TMEM120B: variants seen among roughly 807,000 people sequenced by gnomAD.
The protein encoded by TMEM120B is transmembrane protein 120B.
Under a neutral mutation model 55.5 loss-of-function variants are expected in TMEM120B, and 31 were observed. That is an observed-to-expected ratio of 0.56 (90% CI 0.42 to 0.75). The LOEUF (loss-of-function observed/expected upper bound fraction) is 0.75. Among genes scored for constraint, TMEM120B ranks in the 30% least tolerant of loss-of-function variants. TMEM120B has a pLI of 0.00. For missense variants in TMEM120B, 399 were observed against 425.5 expected, an observed-to-expected ratio of 0.94 and a Z score of 0.55; for synonymous variants, 203 against 176.3, an observed-to-expected ratio of 1.15 and a Z score of -1.20.
rs898064506 is a variant in TMEM120B at position 121,780,980 on chromosome 12, G to T, written c.*5258G>T. The T allele has an allele frequency of 1.2e-6, 2 of 1,613,792 alleles. No homozygotes were observed. Among genetic ancestry groups the T allele is most frequent in the African/African-American group, 2.7e-5 (2 of 74,932 alleles). ...CGATGAGCACCATGGGGATCCCGCG[G>T]CAGAAATGCGTGACCTCAGGGAACC... On this transcript the variant is annotated 3_prime_UTR_variant, in exon 12 of 12. Coordinates refer to ENST00000449592, the MANE Select transcript of TMEM120B (RefSeq NM_001080825.2).
In TMEM120B at chr12:121,770,989, T is replaced by A. The variant is rs1874027308; in HGVS notation, c.617+17T>A. 1 of 1,612,950 alleles carries A rather than the reference T, an allele frequency of 6.2e-7. No homozygotes were observed. The highest frequency in any genetic ancestry group is 1.3e-5 in the African/African-American group (1 of 75,030). ...GCTGACCTGGTGAGTAGCCCCTCGC[T>A]GGGCCCCTCCAGCCTCCCAGGGAGT... On this transcript the variant is annotated intron_variant, in intron 7 of 11. Coordinates refer to ENST00000449592, the MANE Select transcript of TMEM120B (RefSeq NM_001080825.2).
At chr12:121,720,373 C>T (rs369113516) in intron 1 of TMEM120B, among the ~76,000 whole-genome samples, 1 of 152,112 alleles carries the variant, frequency 6.6e-6, no homozygotes, top group Non-Finnish European at 1.5e-5. Context: ...GTATAGTCAG[C>T]GTCTGAAAGT....
At chr12:121,758,584 T>C (rs1167677586) in intron 5 of TMEM120B, 1 of 980,534 alleles carries the variant, frequency 1.0e-6, no homozygotes, top group Non-Finnish European at 1.2e-6. Context: ...CCCCGTGCTG[T>C]GGTCACCATG....
rs570500854 is a variant in TMEM120B at position 121,778,261 on chromosome 12, G to T, written c.*2539G>T. 6.6e-6 allele frequency: 1 copy of T among 152,096 alleles called. No individual in the cohort carries two copies. Among genetic ancestry groups the T allele is most frequent in the Non-Finnish European group, 1.5e-5 (1 of 68,066 alleles). 9.4% of individuals were successfully genotyped at this position (152,096 alleles called of 1,614,324 possible). On this transcript the variant is annotated 3_prime_UTR_variant, in exon 12 of 12. Transcript: ENST00000449592. ...AGGTCAGGAGTTCAAGACCAGCCTG[G>T]CCAACATGGTGAAACCCTGTCTCTA... is the stretch of plus-strand genomic sequence containing the variant.
Position 121,779,524 on chromosome 12 carries a change from T to C in TMEM120B, c.*3802T>C. On this transcript the variant is annotated 3_prime_UTR_variant, in exon 12 of 12. Coordinates refer to ENST00000449592, the MANE Select transcript of TMEM120B (RefSeq NM_001080825.2). ...CAGAGCAGCAGGCAGAGCCGGCGCTTCTTCTGCCGTTGCGCCTTCTTCAGA... is the reference window on the plus strand; with the variant it reads ...CAGAGCAGCAGGCAGAGCCGGCGCTCCTTCTGCCGTTGCGCCTTCTTCAGA... 6.2e-7 allele frequency: 1 copy of C among 1,613,144 alleles called. No individual in the cohort carries two copies. The highest frequency in any genetic ancestry group is 8.5e-7 in the Non-Finnish European group (1 of 1,179,996).
At chr12:121,770,116 C>T (rs930680057) in intron 6 of TMEM120B, among the ~76,000 whole-genome samples, 9 of 152,036 alleles carry the variant, frequency 5.9e-5, no homozygotes, top group Admixed American at 1.3e-4. Flanking sequence ...TAGGAAGTAC[C>T]GCCCGCCGAG....
rs972381256 is a variant in TMEM120B, at chr12:121,781,219, G to T, written c.*5497G>T. 1 of 1,603,142 alleles carries T rather than the reference G, an allele frequency of 6.2e-7. No individual in the cohort carries two copies. The highest frequency in any genetic ancestry group is 1.3e-5 in the African/African-American group (1 of 74,720). ...TGAAAGCACAGAGCAGCGGGGGTCA[G>T]GGGACGTCCCCTCCCTGTCTGGACT... is the stretch of plus-strand genomic sequence containing the variant. On this transcript the variant is annotated 3_prime_UTR_variant, in exon 12 of 12. Transcript: ENST00000449592.
chr12:121,755,610 T>C (rs761378255), intron 5 of TMEM120B, among the ~76,000 whole-genome samples: 10 of 152,182 alleles, frequency 6.6e-5, no homozygotes, highest in Non-Finnish European at 1.5e-4. Flanking sequence ...TAGTGTGGGT[T>C]GGCCCAGAAG....
intron 1 of TMEM120B, among the ~76,000 whole-genome samples, chr12:121,742,425 A>G (rs1224467964): frequency 6.6e-6 from 1 of 152,018 alleles, no homozygotes; most frequent in Non-Finnish European, 1.5e-5. Context: ...ACTGCTAAAA[A>G]CAAAACAAAA....
chr12:121,730,288 A>G (rs967317483), intron 1 of TMEM120B, among the ~76,000 whole-genome samples: 3 of 151,168 alleles, frequency 2.0e-5, no homozygotes, highest in African/African-American at 7.3e-5. Flanking sequence ...AAATTCTGAT[A>G]CATGCCATGA....
chr12:121,751,414 C>T (rs866571665), intron 4 of TMEM120B, among the ~76,000 whole-genome samples: 18 of 139,644 alleles, frequency 1.3e-4, no homozygotes, highest in Non-Finnish European at 2.3e-4. Flanking sequence ...TCTCACCCCA[C>T]ACCCTATCCT....
intron 6 of TMEM120B, among the ~76,000 whole-genome samples, chr12:121,766,393 C>T (rs192009238): frequency 6.6e-6 from 1 of 152,302 alleles, no homozygotes; most frequent in East Asian, 1.9e-4. Flanking sequence ...CTGGGAATTT[C>T]CATTCAAGGA....
At chr12:121,718,649 G>T (rs908755832) in intron 1 of TMEM120B, among the ~76,000 whole-genome samples, 1 of 152,096 alleles carries the variant, frequency 6.6e-6, no homozygotes, top group African/African-American at 2.4e-5. Flanking sequence ...TACTAATACC[G>T]TGGGCTCCAA....
chr12:121,716,706 G>A (rs978940815), intron 1 of TMEM120B, among the ~76,000 whole-genome samples: 1 of 151,630 alleles, frequency 6.6e-6, no homozygotes, highest in African/African-American at 2.4e-5. Context: ...GGGATTACAG[G>A]CACCCGCCAC....
chr12:121,781,299 T>G lies in TMEM120B; in HGVS notation c.*5577T>G. On this transcript the variant is annotated 3_prime_UTR_variant, in exon 12 of 12. Coordinates refer to ENST00000449592, the MANE Select transcript of TMEM120B (RefSeq NM_001080825.2). ...AGTGACCCTGCCTTAGGGCCTCAAT[T>G]TCCTCATCTATACAATGGGCAGCAA... 1.1e-6 allele frequency: 1 copy of G among 930,532 alleles called. No homozygotes were observed. Among genetic ancestry groups the G allele is most frequent in the Non-Finnish European group, 1.7e-6 (1 of 603,384 alleles). The allele number at this position is 930,532 out of a possible 1,614,324, so 57.6% of individuals were successfully genotyped here. A position where few individuals can be genotyped will look rare whatever the true frequency, so the allele number is the denominator to read the frequency against.
intron 1 of TMEM120B, among the ~76,000 whole-genome samples, chr12:121,716,309 C>CA (rs1278926360): frequency 0.14 from 17,240 of 120,594 alleles, 1,678 homozygotes; most frequent in African/African-American, 0.29. Flanking sequence ...CCCTCTCTCT[C>CA]AAAAAAAAAA....
intron 6 of TMEM120B, among the ~76,000 whole-genome samples, chr12:121,764,393 G>GCA (rs1873779109): frequency 1.3e-5 from 2 of 152,258 alleles, no homozygotes; most frequent in Non-Finnish European, 2.9e-5. Context: ...GGTGGTGCAT[G>GCA]CCTGTAATCC....
Position 121,743,620 on chromosome 12 carries a change from G to T in TMEM120B, c.70-9G>T, listed in dbSNP as rs367790481. The T allele has an allele frequency of 6.2e-7, 1 of 1,612,088 alleles. No homozygotes were observed. Among genetic ancestry groups the T allele is most frequent in the African/African-American group, 1.3e-5 (1 of 74,944 alleles). ...CCACACACCCTCCCCCGGGTCCCCT[G>T]TTCTTCAGGAGACGCACAGGATCTA... On this transcript the variant is annotated splice_polypyrimidine_tract_variant and intron_variant, in intron 1 of 11. Transcript: ENST00000449592.
rs2137494082 is a variant in TMEM120B, at chr12:121,782,016, CTTT to C, written c.*6297_*6299del. The C allele has an allele frequency of 6.6e-6, 1 of 152,180 alleles. No individual in the cohort carries two copies. Among genetic ancestry groups the C allele is most frequent in the South Asian group, 2.1e-4 (1 of 4,824 alleles). The allele number at this position is 152,180 out of a possible 1,614,324, so 9.4% of individuals were successfully genotyped here. A position where few individuals can be genotyped will look rare whatever the true frequency, so the allele number is the denominator to read the frequency against. ...CTTCTTTATAAACAATTCTTTGTAA[CTTT>C]TTGTATTGACAGTTTCAAACTTACA... On this transcript the variant is annotated 3_prime_UTR_variant, in exon 12 of 12. Coordinates refer to ENST00000449592, the MANE Select transcript of TMEM120B (RefSeq NM_001080825.2).
Sources: allele counts gnomAD v4.1 joint callset (sites outside exome capture counted in the v4.1 genomes callset), GRCh38; gene constraint gnomAD v4.1.1; transcripts MANE v1.5; gene names NCBI Gene and HGNC (gene_info 2026-07-23, HGNC 2026-07-21).